PPP2R1B: variants seen among roughly 807,000 people sequenced by gnomAD.
PPP2R1B encodes protein phosphatase 2 scaffold subunit Abeta.
A neutral mutation model predicts 72.7 loss-of-function variants in PPP2R1B; 58 were observed. That is an observed-to-expected ratio of 0.80 (90% CI 0.65 to 0.99). PPP2R1B has a LOEUF of 0.99. PPP2R1B is among the 50% of genes least tolerant of loss of function. The pLI is 0.00. For missense variants in PPP2R1B, 695 were observed against 733.6 expected, an observed-to-expected ratio of 0.95 and a Z score of 0.61; for synonymous variants, 256 against 264.6, an observed-to-expected ratio of 0.97 and a Z score of 0.32.
chr11:111,739,075 G>C lies in PPP2R1B; in HGVS notation c.*2521C>G. 1 of 985,416 alleles carries C rather than the reference G, an allele frequency of 1.0e-6. No homozygotes were observed. Among genetic ancestry groups the C allele is most frequent in the Middle Eastern group, 5.2e-4 (1 of 1,914 alleles). The allele number at this position is 985,416 out of a possible 1,614,324, so 61.0% of individuals were successfully genotyped here. A position where few individuals can be genotyped will look rare whatever the true frequency, so the allele number is the denominator to read the frequency against. On this transcript the variant is annotated 3_prime_UTR_variant, in exon 15 of 15. Transcript: ENST00000527614. ...AAGGGCCACATAAAGCTTGTTTCCT[G>C]AAAGCAGGAAAATCTTTCTGTCAGT...
At chr11:111,761,971 G>C (rs950276330) in intron 3 of PPP2R1B, among the ~76,000 whole-genome samples, 1 of 151,866 alleles carries the variant, frequency 6.6e-6, no homozygotes, top group East Asian at 1.9e-4. Flanking sequence ...AAAAAAAAAA[G>C]GTAAAGTACA....
rs782764883 is a variant in PPP2R1B at position 111,759,792 on chromosome 11, G to C, written c.687+12C>G. 2 of 1,604,958 alleles carry C rather than the reference G, an allele frequency of 1.2e-6. No individual in the cohort carries two copies. Among genetic ancestry groups the C allele is most frequent in the Non-Finnish European group, 1.7e-6 (2 of 1,173,872 alleles). On this transcript the variant is annotated intron_variant, in intron 5 of 14. Coordinates refer to ENST00000527614, the MANE Select transcript of PPP2R1B (RefSeq NM_002716.5). ...CATATCTGTGTCCCTTAAATACTAA[G>C]AGTTAGTTTACCTGTTCATCTGAAG... is the stretch of plus-strand genomic sequence containing the variant.
the PPP2R1B span, among the ~76,000 whole-genome samples, chr11:111,692,487 C>T: frequency 4.0e-5 from 6 of 148,640 alleles, no homozygotes; most frequent in East Asian, 2.0e-4. Flanking sequence ...GAGGCCAGAG[C>T]GAATTGGAGT....
chr11:111,703,477 A>G, the PPP2R1B span: 2 of 1,512,986 alleles, frequency 1.3e-6, no homozygotes, highest in South Asian at 1.1e-5. Flanking sequence ...TTGAAATTTC[A>G]TGCTCACACC....
At position 111,744,305 on chromosome 11, in the gene PPP2R1B, T is replaced by C. The variant is rs576994757; in HGVS notation, c.1400-775A>G. Reference sequence around the variant, plus strand: ...ACTGAGAAAGACAACAAGGAAATGGTGTAGAGGCCACTGTGGTCATCTATA... The same window carrying C: ...ACTGAGAAAGACAACAAGGAAATGGCGTAGAGGCCACTGTGGTCATCTATA... On this transcript the variant is annotated intron_variant, in intron 11 of 14. Transcript: ENST00000527614. 5.3e-5 allele frequency among the ~76,000 whole-genome samples: 8 copies of C among 152,296 alleles called. No homozygotes were observed. The South Asian group carries it at 1.7e-3, about 32-fold the overall frequency.
chr11:111,710,564 A>C, the PPP2R1B span, among the ~76,000 whole-genome samples: 2 of 152,232 alleles, frequency 1.3e-5, no homozygotes, highest in Non-Finnish European at 2.9e-5. Flanking sequence ...AGTATTTGAG[A>C]ACGAGACTGC....
chr11:111,749,387 A>C (rs1944820563), intron 10 of PPP2R1B, among the ~76,000 whole-genome samples: 1 of 151,158 alleles, frequency 6.6e-6, no homozygotes, highest in Admixed American at 6.6e-5. Context: ...GGGTTCAAGC[A>C]ATTCTCCTGC....
the PPP2R1B span, among the ~76,000 whole-genome samples, chr11:111,693,301 T>TGGTG: frequency 6.7e-6 from 1 of 148,460 alleles, no homozygotes; most frequent in African/African-American, 2.5e-5. Context: ...GCCACTGCCC[T>TGGTG]CCAGCCTGGT....
intron 2 of PPP2R1B, 56 bp downstream of exon 2, chr11:111,765,238 G>T: frequency 1.3e-6 from 2 of 1,502,448 alleles, no homozygotes; most frequent in Non-Finnish European, 1.8e-6. Flanking sequence ...AGTCAGTGTT[G>T]AAAGCTACTG....
downstream of PPP2R1B, among the ~76,000 whole-genome samples, chr11:111,733,596 G>A (rs181011122): frequency 9.5e-4 from 144 of 152,224 alleles, no homozygotes; most frequent in Admixed American, 2.5e-3. Flanking sequence ...ACTGTTCATT[G>A]TCACCCCAGG....
chr11:111,745,201 G>A (rs748758074), intron 11 of PPP2R1B, among the ~76,000 whole-genome samples: 20 of 151,734 alleles, frequency 1.3e-4, no homozygotes, highest in Non-Finnish European at 1.8e-4. Flanking sequence ...ACAGGCGCCC[G>A]CCAACACATC....
chr11:111,739,768 T>A lies in PPP2R1B; in HGVS notation c.*1828A>T. ...CTTGCAGGTAACAAAAAATAAAGAC[T>A]CATGAAACTAAAATTAAAATGTTTA... On this transcript the variant is annotated 3_prime_UTR_variant, in exon 15 of 15. Coordinates refer to ENST00000527614, the MANE Select transcript of PPP2R1B (RefSeq NM_002716.5). 1 of 973,004 alleles carries A rather than the reference T, an allele frequency of 1.0e-6. No homozygotes were observed. Among genetic ancestry groups the A allele is most frequent in the South Asian group, 4.7e-5 (1 of 21,068 alleles). 60.3% of individuals were successfully genotyped at this position (973,004 alleles called of 1,614,324 possible). A position where few individuals can be genotyped will look rare whatever the true frequency, so the allele number is the denominator to read the frequency against.
chr11:111,704,693 T>TGAC, the PPP2R1B span, among the ~76,000 whole-genome samples: 1 of 152,206 alleles, frequency 6.6e-6, no homozygotes, highest in Non-Finnish European at 1.5e-5. Context: ...GGGGAATGTC[T>TGAC]ACATGAGACA....
chr11:111,724,002 G>A (rs1455208104), downstream of PPP2R1B: 4 of 1,614,182 alleles, frequency 2.5e-6, no homozygotes, highest in Admixed American at 1.7e-5. Flanking sequence ...TGTCCCAGAA[G>A]CCCAGGACTG....
chr11:111,698,999 G>A, the PPP2R1B span, among the ~76,000 whole-genome samples: 3 of 152,160 alleles, frequency 2.0e-5, no homozygotes, highest in African/African-American at 7.2e-5. Context: ...TCATTTGAGA[G>A]TATAGTTTTT....
At chr11:111,764,782 G>A (rs781995755) in intron 3 of PPP2R1B, 23 bp downstream of exon 3, 2 of 1,610,474 alleles carry the variant, frequency 1.2e-6, no homozygotes, top group Non-Finnish European at 1.7e-6. Context: ...TAGAAGGAGG[G>A]TAGGCAGCTT....
intron 13 of PPP2R1B, 138 bp downstream of exon 13, chr11:111,742,385 G>T: frequency 1.0e-6 from 1 of 1,003,136 alleles, no homozygotes; most frequent in Non-Finnish European, 1.4e-6. Flanking sequence ...AAAAATAGTT[G>T]CTAAATTATT....
chr11:111,705,073 A>C, the PPP2R1B span: 1 of 1,608,702 alleles, frequency 6.2e-7, no homozygotes, highest in South Asian at 1.1e-5. This position sits in a 1 kb window ranked among gnomAD's most constrained non-coding sequence, Gnocchi z 4.3. Flanking sequence ...GCAGTTTCCC[A>C]GTGGAGCAGA....
At chr11:111,736,327 G>A (rs736650), downstream of PPP2R1B, among the ~76,000 whole-genome samples, 43,613 of 152,056 alleles carry the variant, frequency 0.29, 7,267 homozygotes, top group East Asian at 0.55. Flanking sequence ...CTCAGATCGG[G>A]TCATACCACG....
Sources: allele counts gnomAD v4.1 joint callset (sites outside exome capture counted in the v4.1 genomes callset), GRCh38; gene constraint gnomAD v4.1.1; non-coding constraint Gnocchi (gnomAD v3.1); transcripts MANE v1.5; gene names NCBI Gene and HGNC (gene_info 2026-07-23, HGNC 2026-07-21).